The following PCNX2 variants were observed in gnomAD, a reference collection of about 807,000 sequenced individuals.
PCNX2 encodes pecanex 2.
PCNX2 carries 168 observed loss-of-function variants against 223.8 expected under a neutral mutation model. The ratio of observed to expected loss-of-function variants is 0.75; its 90% CI spans 0.66 to 0.85. The LOEUF is 0.85. Ranked by LOEUF, PCNX2 falls within the 40% of genes least tolerant of loss-of-function variation. The pLI, the probability that PCNX2 is intolerant of heterozygous loss-of-function variation, is 0.00. For missense variants in PCNX2, 2,507 were observed against 2,675.5 expected, an observed-to-expected ratio of 0.94 and a Z score of 1.39; for synonymous variants, 1,006 against 1,052.6, an observed-to-expected ratio of 0.96 and a Z score of 0.86.
At chr1:233,030,997 A>T (rs1047676207) in intron 25 of PCNX2, among the ~76,000 whole-genome samples, 1 of 152,144 alleles carries the variant, frequency 6.6e-6, no homozygotes, top group African/African-American at 2.4e-5. Flanking sequence ...GTTCAATAAG[A>T]CCACAGTACT....
Position 233,262,083 on chromosome 1 carries a change from C to T in PCNX2, c.442G>A (p.Gly148Arg), listed in dbSNP as rs1660082753. 6.2e-7 allele frequency: 1 copy of T among 1,613,848 alleles called. No homozygotes were observed. Among genetic ancestry groups the T allele is most frequent in the Non-Finnish European group, 8.5e-7 (1 of 1,179,790 alleles). ...GAGTGATGAGAGGTTATGCTTTGCC[C>T]TCTGGAGCTGCAGCGGAGGGGAGGC... ...STPPLRCSSR[G>R]QSITSHHSSG... Residue 148 changes from glycine to arginine, a missense_variant, in exon 3 of 34, where the codon GGG becomes AGG. This residue lies in a region of PCNX2 where 1,031 missense variants were observed against 1,021.7 expected (regional missense o/e 1.01). Transcript: ENST00000258229.
intron 25 of PCNX2, among the ~76,000 whole-genome samples, chr1:233,034,009 C>T (rs1207090679): frequency 2.0e-5 from 3 of 152,120 alleles, no homozygotes; most frequent in Non-Finnish European, 1.5e-5. Context: ...GTCAAGAGAT[C>T]GAGACCATCC....
chr1:233,233,767 C>T (rs545666655), intron 9 of PCNX2, among the ~76,000 whole-genome samples: 3 of 151,752 alleles, frequency 2.0e-5, no homozygotes, highest in Non-Finnish European at 2.9e-5. Flanking sequence ...TCTTGTCTTC[C>T]GAGCCTTATC....
intron 19 of PCNX2, among the ~76,000 whole-genome samples, chr1:233,156,203 T>G (rs1319087897): frequency 6.6e-6 from 1 of 152,204 alleles, no homozygotes; most frequent in Non-Finnish European, 1.5e-5. Context: ...AAAGATATGT[T>G]TCAACATGCA....
chr1:233,219,035 C>T (rs1056297694), intron 10 of PCNX2, among the ~76,000 whole-genome samples: 2 of 151,996 alleles, frequency 1.3e-5, no homozygotes, highest in East Asian at 1.9e-4. Context: ...TGGGGTGTGT[C>T]GGGTCCACAC....
At chr1:233,317,806 A>G in the PCNX2 span, among the ~76,000 whole-genome samples, 4 of 152,240 alleles carry the variant, frequency 2.6e-5, no homozygotes, top group South Asian at 2.1e-4. Flanking sequence ...CATTAGCTCA[A>G]TGAATCCTCA....
chr1:233,242,839 A>G (rs1297011501), intron 8 of PCNX2, among the ~76,000 whole-genome samples: 11 of 152,180 alleles, frequency 7.2e-5, no homozygotes. Context: ...AAATTAGTTC[A>G]TTTTGGCTCT....
At chr1:233,247,236 G>C (rs1199238397) in intron 8 of PCNX2, among the ~76,000 whole-genome samples, 1 of 152,178 alleles carries the variant, frequency 6.6e-6, no homozygotes, top group Non-Finnish European at 1.5e-5. Context: ...GCTAAGTGAA[G>C]GGACTGGAGT....
chr1:233,252,525 A>T (rs759019178), intron 6 of PCNX2, 26 bp from the exon 7 acceptor site: 1 of 1,588,536 alleles, frequency 6.3e-7, no homozygotes, highest in Non-Finnish European at 8.6e-7. Flanking sequence ...AGTTTCAAAA[A>T]AAATGATTAG....
intron 1 of PCNX2, among the ~76,000 whole-genome samples, chr1:233,268,005 G>C (rs866301536): frequency 4.3e-4 from 66 of 152,126 alleles, no homozygotes; most frequent in African/African-American, 1.3e-3. Flanking sequence ...TCTGCGTCCC[G>C]AGTTGAAGCA....
chr1:233,174,959 C>T (rs1381783360), intron 17 of PCNX2, among the ~76,000 whole-genome samples: 1 of 152,144 alleles, frequency 6.6e-6, no homozygotes, highest in Non-Finnish European at 1.5e-5. Context: ...AACAGAATCA[C>T]CTGGGTGAAC....
At chr1:233,027,214 A>G (rs1671109286) in intron 25 of PCNX2, among the ~76,000 whole-genome samples, 1 of 152,166 alleles carries the variant, frequency 6.6e-6, no homozygotes, top group South Asian at 2.1e-4. Flanking sequence ...TGAAGAATTA[A>G]CTGTTAGATT....
Position 233,258,876 on chromosome 1 carries a change from G to T in PCNX2, c.986C>A (p.Thr329Lys), listed in dbSNP as rs1659889739. The change falls in exon 5 of 34, where the codon ACA becomes AAA. Residue 329 changes from threonine to lysine, a missense_variant. Transcript: ENST00000258229. ...GCAGGAGGTATCTACCTGACAGGAT[G>T]TGTCTGCTGGCTCCTCCACAGGCTT... ...VAKPVEEPAD[T>K]SCQVDTSCQG... The T allele has an allele frequency of 1.2e-6, 2 of 1,613,968 alleles. No individual in the cohort carries two copies. The highest frequency in any genetic ancestry group is 4.5e-5 in the East Asian group (2 of 44,856).
intron 26 of PCNX2, among the ~76,000 whole-genome samples, chr1:233,023,871 A>G (rs1474235643): frequency 6.6e-6 from 1 of 152,226 alleles, no homozygotes; most frequent in Non-Finnish European, 1.5e-5. Context: ...TCTAAGAGCT[A>G]TTTATCCTTC....
At chr1:233,035,217 A>G (rs1671412393) in intron 25 of PCNX2, among the ~76,000 whole-genome samples, 1 of 152,218 alleles carries the variant, frequency 6.6e-6, no homozygotes, top group African/African-American at 2.4e-5. Context: ...CGAAACGCAC[A>G]ACACATTTTC....
chr1:232,984,251 A>G lies in PCNX2; in HGVS notation c.*53T>C. ...TGATTTGGGGAGCACGAGGGAGAGC[A>G]ATGCAGGTGGGAGGTGTGGGGGAGC... On this transcript the variant is annotated 3_prime_UTR_variant, in exon 34 of 34. Transcript: ENST00000258229. The G allele has an allele frequency of 1.3e-6, 2 of 1,497,428 alleles. No individual in the cohort carries two copies. The highest frequency in any genetic ancestry group is 8.9e-7 in the Non-Finnish European group (1 of 1,121,978). 92.8% of individuals were successfully genotyped at this position (1,497,428 alleles called of 1,614,324 possible). A position where few individuals can be genotyped will look rare whatever the true frequency, so the allele number is the denominator to read the frequency against.
chr1:233,053,818 T>C (rs936001913), intron 25 of PCNX2, among the ~76,000 whole-genome samples: 5 of 152,148 alleles, frequency 3.3e-5, no homozygotes, highest in Admixed American at 2.0e-4. Context: ...CACAGCAACA[T>C]TATAAGGCAG....
chr1:233,301,764 A>G, the PCNX2 span, among the ~76,000 whole-genome samples: 37 of 151,976 alleles, frequency 2.4e-4, no homozygotes, highest in Admixed American at 2.2e-3. Flanking sequence ...ATATACTAAG[A>G]AAGATAAAGT....
chr1:233,213,259 A>T (rs749987825), intron 12 of PCNX2, among the ~76,000 whole-genome samples: 13 of 152,284 alleles, frequency 8.5e-5, no homozygotes, highest in Non-Finnish European at 1.6e-4. Flanking sequence ...TTCAGGCTTA[A>T]GGAAAATCTG....
Sources: gnomAD v4.1 joint callset for allele counts (sites outside exome capture counted in the v4.1 genomes callset) on GRCh38, gnomAD v4.1.1 for gene constraint, gnomAD v4.1.1 regional missense constraint, MANE v1.5 for transcripts, NCBI Gene and HGNC (gene_info 2026-07-23, HGNC 2026-07-21) for gene names.